RBPJ: variants seen among roughly 807,000 people sequenced by gnomAD.
RBPJ encodes the protein recombination signal binding protein for immunoglobulin kappa J region, also known as recombining binding protein suppressor of hairless.
RBPJ carries 9 observed loss-of-function variants against 67.8 expected under a neutral mutation model. The ratio of observed to expected loss-of-function variants is 0.13; its 90% CI spans 0.08 to 0.23. The LOEUF (loss-of-function observed/expected upper bound fraction) is 0.23, where lower values mean the gene tolerates loss of function less well. RBPJ is among the 10% of genes least tolerant of loss of function. The probability of loss-of-function intolerance (pLI) is 1.00; values close to 1 mark genes in which losing one functional copy is unlikely to be tolerated. For synonymous variants in RBPJ, 198 were observed against 203.3 expected (o/e 0.97, Z 0.22); for missense variants, 305 against 595.6 (o/e 0.51, Z 5.08).
intron 1 of RBPJ, among the ~76,000 whole-genome samples, chr4:26,166,252 C>A (rs1716292119): frequency 7.8e-6 from 1 of 129,026 alleles, no homozygotes; most frequent in Non-Finnish European, 1.6e-5. Context: ...ATGGCTGGGT[C>A]AAATGGTATT....
intron 2 of RBPJ, among the ~76,000 whole-genome samples, chr4:26,395,884 T>C (rs1373218388): frequency 6.6e-6 from 1 of 152,228 alleles, no homozygotes; most frequent in Non-Finnish European, 1.5e-5. Flanking sequence ...CATGTAATTT[T>C]TAGAAGCATT....
chr4:26,368,655 A>G (rs549051521), intron 1 of RBPJ, among the ~76,000 whole-genome samples: 3 of 152,358 alleles, frequency 2.0e-5, no homozygotes, highest in African/African-American at 7.2e-5. Flanking sequence ...TGAGATCAGT[A>G]GCCAGAGATG....
chr4:26,267,677 G>A (rs1452796872), intron 1 of RBPJ, among the ~76,000 whole-genome samples: 1 of 151,486 alleles, frequency 6.6e-6, no homozygotes, highest in African/African-American at 2.4e-5. Context: ...GCACGATCTC[G>A]GCTCACTGCA....
chr4:26,123,747 G>A, the RBPJ span, among the ~76,000 whole-genome samples: 2 of 151,840 alleles, frequency 1.3e-5, no homozygotes, highest in Non-Finnish European at 2.9e-5. Context: ...TAAAAACGAA[G>A]ACACAAACAC....
the RBPJ span, among the ~76,000 whole-genome samples, chr4:26,141,917 A>G: frequency 2.0e-5 from 3 of 152,348 alleles, no homozygotes; most frequent in African/African-American, 7.2e-5. Context: ...CACCATCCAA[A>G]TAAGGCAAAA....
At chr4:26,255,801 C>CAAAAAAAAAAAA (rs34958199) in intron 1 of RBPJ, among the ~76,000 whole-genome samples, 1 of 75,274 alleles carries the variant, frequency 1.3e-5, no homozygotes, top group Non-Finnish European at 3.1e-5. Context: ...GACTCCGTCT[C>CAAAAAAAAAAAA]AAAAAAAAAA....
chr4:26,161,689 G>T (rs7667399), upstream of RBPJ, among the ~76,000 whole-genome samples: 2 of 152,104 alleles, frequency 1.3e-5, no homozygotes, highest in Admixed American at 6.5e-5. Context: ...CAGATACAAA[G>T]GCAACAGCAC....
intron 1 of RBPJ, among the ~76,000 whole-genome samples, chr4:26,277,114 TAA>T (rs34364319): frequency 0.065 from 8,891 of 137,060 alleles, 703 homozygotes; most frequent in African/African-American, 0.2. Flanking sequence ...ACCCCATTTC[TAA>T]AAAAAAAAAA....
chr4:26,136,189 T>A, the RBPJ span, among the ~76,000 whole-genome samples: 2 of 152,168 alleles, frequency 1.3e-5, no homozygotes, highest in Non-Finnish European at 2.9e-5. Flanking sequence ...CACATAGGGA[T>A]TATTACAATT....
At chr4:26,270,684 C>T (rs1182194170) in intron 1 of RBPJ, among the ~76,000 whole-genome samples, 1 of 151,652 alleles carries the variant, frequency 6.6e-6, no homozygotes, top group East Asian at 2.0e-4. Flanking sequence ...CCTTGATCTA[C>T]CCAGGTCCAG....
intron 1 of RBPJ, among the ~76,000 whole-genome samples, chr4:26,187,764 A>G (rs1717325331): frequency 6.6e-6 from 1 of 152,206 alleles, no homozygotes; most frequent in African/African-American, 2.4e-5. Flanking sequence ...GCTCACACCT[A>G]TAATCCCAGC....
intron 1 of RBPJ, among the ~76,000 whole-genome samples, chr4:26,373,387 T>C (rs1425215110): frequency 3.3e-5 from 5 of 152,366 alleles, no homozygotes. Flanking sequence ...ACTGATGGTC[T>C]TTCCTTTGTG....
intron 1 of RBPJ, among the ~76,000 whole-genome samples, chr4:26,383,191 G>C (rs140547304): frequency 6.6e-6 from 1 of 152,156 alleles, no homozygotes; most frequent in Non-Finnish European, 1.5e-5. Context: ...TGTTGCACAG[G>C]CGTGTTTTGT....
chr4:26,317,124 G>A (rs1722677757), upstream of RBPJ, among the ~76,000 whole-genome samples: 1 of 151,470 alleles, frequency 6.6e-6, no homozygotes, highest in Non-Finnish European at 1.5e-5. Context: ...ATGGAAGGAG[G>A]CAGATAGTAA....
intron 1 of RBPJ, among the ~76,000 whole-genome samples, chr4:26,166,642 C>T (rs1374704160): frequency 3.3e-5 from 5 of 152,074 alleles, no homozygotes; most frequent in South Asian, 2.1e-4. Context: ...GAGTAGGTTG[C>T]GAAAATGTTC....
intron 1 of RBPJ, among the ~76,000 whole-genome samples, chr4:26,179,934 C>T (rs1465746428): frequency 2.0e-5 from 3 of 152,180 alleles, no homozygotes; most frequent in Non-Finnish European, 4.4e-5. Context: ...AAATGTCCAT[C>T]AACTACAGAC....
At chr4:26,318,261 G>A (rs747306270), upstream of RBPJ, among the ~76,000 whole-genome samples, 4 of 152,098 alleles carry the variant, frequency 2.6e-5, no homozygotes, top group Non-Finnish European at 4.4e-5. Context: ...TGTGACGTGA[G>A]CAGGAAGACA....
At chr4:26,297,731 T>C (rs185375041) in intron 1 of RBPJ, among the ~76,000 whole-genome samples, 3 of 151,970 alleles carry the variant, frequency 2.0e-5, no homozygotes, top group African/African-American at 7.2e-5. Context: ...AAAAAGAAAA[T>C]TTTTATCTAT....
chr4:26,109,474 A>C, the RBPJ span, among the ~76,000 whole-genome samples: 7 of 53,356 alleles, frequency 1.3e-4, 1 homozygote, highest in South Asian at 5.2e-4. Context: ...ATATATATAT[A>C]TATATATATA....
Sources: gnomAD v4.1 joint callset for allele counts (sites outside exome capture counted in the v4.1 genomes callset) on GRCh38, gnomAD v4.1.1 for gene constraint, MANE v1.5 for transcripts, NCBI Gene and HGNC (gene_info 2026-07-23, HGNC 2026-07-21) for gene names.